The following CNN1 variants were observed in gnomAD, a reference collection of about 807,000 sequenced individuals.
CNN1 encodes calponin 1.
In CNN1, 21 loss-of-function variants were observed where a neutral mutation model predicts 35.3. The observed-to-expected ratio is 0.60, with a 90% CI of 0.42 to 0.86. The LOEUF is 0.86. Ranked by LOEUF, CNN1 falls within the 40% of genes least tolerant of loss-of-function variation. The pLI is 0.00. For missense variants in CNN1, 314 were observed against 400.8 expected (o/e 0.78, Z 1.85); for synonymous variants, 164 against 161.8 (o/e 1.01, Z -0.10).
chr19:11,547,905 C>G lies in CNN1; in HGVS notation c.499C>G (p.Gln167Glu). 1.9e-6 allele frequency: 3 copies of G among 1,612,652 alleles called. No individual in the cohort carries two copies. Among genetic ancestry groups the G allele is most frequent in the Non-Finnish European group, 2.5e-6 (3 of 1,179,190 alleles). The change falls in exon 5 of 7, where the codon CAG becomes GAG. Residue 167 changes from glutamine (Q) to glutamate (E), a missense_variant and splice_region_variant. Gln to Glu is a conservative substitution (Grantham distance 29, BLOSUM62 2). Transcript: ENST00000252456. ...AGAAGGGCGGAACATCATTGGGCTGCAGGTACCGCCCTGTCCTCACTGCGC... is the reference window on the plus strand; with the variant it reads ...AGAAGGGCGGAACATCATTGGGCTGGAGGTACCGCCCTGTCCTCACTGCGC... ...LREGRNIIGL[Q>E]MGTNKFASQQ...
chr19:11,543,914 GAA>G (rs536474016), intron 2 of CNN1, among the ~76,000 whole-genome samples: 2 of 142,034 alleles, frequency 1.4e-5, no homozygotes, highest in Admixed American at 7.1e-5. Context: ...TAAAGTATAA[GAA>G]AAAAAAAAAG....
At chr19:11,547,415 C>CA (rs1164343911) in intron 4 of CNN1, among the ~76,000 whole-genome samples, 2 of 146,536 alleles carry the variant, frequency 1.4e-5, no homozygotes, top group East Asian at 4.1e-4. Context: ...AAACAAAAAA[C>CA]AAAAAACAGT....
chr19:11,540,800 G>T (rs1029015063), intron 1 of CNN1: 15 of 332,036 alleles, frequency 4.5e-5, no homozygotes, highest in Non-Finnish European at 8.3e-5. Flanking sequence ...TAGCTCAGAG[G>T]ATCCAGCTCC....
rs780499790 is a variant in CNN1 at position 11,547,826 on chromosome 19, G to A, written c.420G>A (p.Val140=). Residue 140 remains valine (V), a synonymous_variant, in exon 5 of 7, where the codon GTG becomes GTA. Coordinates refer to ENST00000252456, the MANE Select transcript of CNN1 (RefSeq NM_001299.6). ...MAKTKGNKVN[V]GVKYAEKQER... Reference sequence around the variant, plus strand: ...AGACGAAAGGAAACAAGGTGAACGTGGGAGTGAAGTACGCAGAGAAGCAGG... The same window carrying A: ...AGACGAAAGGAAACAAGGTGAACGTAGGAGTGAAGTACGCAGAGAAGCAGG... 1.1e-5 allele frequency: 17 copies of A among 1,613,916 alleles called. No individual in the cohort carries two copies. In the South Asian group the frequency reaches 1.8e-4, roughly 17 times the overall value.
chr19:11,549,193 A>AAAAAAAAAAT lies in CNN1; in HGVS notation c.502-127_502-126insAAAAAATAAA. The AAAAAAAAAAT allele has an allele frequency of 9.4e-7, 1 of 1,065,962 alleles. No individual in the cohort carries two copies. The highest frequency in any genetic ancestry group is 1.7e-5 in the African/African-American group (1 of 60,544). The allele number at this position is 1,065,962 out of a possible 1,614,324, so 66.0% of individuals were successfully genotyped here. A position where few individuals can be genotyped will look rare whatever the true frequency, so the allele number is the denominator to read the frequency against. Reference sequence around the variant, plus strand: ...ACAGAGCAAGACTCCGTCTCAAAAAAAAATAAATAAAATAAAATAAAAATT... The same window carrying AAAAAAAAAAT: ...ACAGAGCAAGACTCCGTCTCAAAAAAAAAAAAAAATAAATAAATAAAATAAAATAAAAATT... On this transcript the variant is annotated intron_variant, in intron 5 of 6. Coordinates refer to ENST00000252456, the MANE Select transcript of CNN1 (RefSeq NM_001299.6). This position sits in a 1 kb window ranked among gnomAD's most constrained non-coding sequence, Gnocchi z 5.2.
chr19:11,547,628 G>C (rs1972619071), intron 4 of CNN1, among the ~76,000 whole-genome samples, 169 bp from the exon 5 acceptor site: 1 of 152,142 alleles, frequency 6.6e-6, no homozygotes, highest in East Asian at 1.9e-4. Context: ...CAGGAGAATG[G>C]TGTGAAGCCG....
Position 11,550,226 on chromosome 19 carries a change from G to A in CNN1, c.*431G>A, listed in dbSNP as rs576896675. On this transcript the variant is annotated 3_prime_UTR_variant, in exon 7 of 7. Coordinates refer to ENST00000252456, the MANE Select transcript of CNN1 (RefSeq NM_001299.6). ...GGACACACGCGGTTTGGTTTGCAGC[G>A]ACTGGCATACTATGTGGATGTGACA... The A allele has an allele frequency of 1.5e-4, 26 of 176,664 alleles. No homozygotes were observed. The East Asian group carries it at 1.9e-3, about 13-fold the overall frequency. 10.9% of individuals were successfully genotyped at this position (176,664 alleles called of 1,614,324 possible). A position where few individuals can be genotyped will look rare whatever the true frequency, so the allele number is the denominator to read the frequency against.
chr19:11,547,172 G>A (rs746364585), intron 4 of CNN1, among the ~76,000 whole-genome samples: 1 of 151,980 alleles, frequency 6.6e-6, no homozygotes, highest in Non-Finnish European at 1.5e-5. Context: ...CAAGGTGAGC[G>A]GATTGCTTGA....
intron 2 of CNN1, 40 bp from the exon 3 acceptor site, chr19:11,546,635 T>TG (rs1568416098): frequency 1.2e-6 from 2 of 1,611,132 alleles, no homozygotes; most frequent in South Asian, 1.1e-5. Context: ...TGCCCAACCC[T>TG]GGGGGGACAC....
intron 1 of CNN1, among the ~76,000 whole-genome samples, chr19:11,540,873 C>G (rs1972446232): frequency 6.6e-6 from 1 of 152,226 alleles, no homozygotes; most frequent in Admixed American, 6.5e-5. Context: ...GAATGGCCCC[C>G]TGGGCAGGTG....
intron 2 of CNN1, among the ~76,000 whole-genome samples, chr19:11,542,561 C>G (rs1362768062): frequency 6.6e-6 from 1 of 151,750 alleles, no homozygotes; most frequent in Non-Finnish European, 1.5e-5. Context: ...AGCTCCCAAG[C>G]CCCAGTTCCA....
At chr19:11,546,789 A>G (rs1161197744) in intron 3 of CNN1, 43 bp from the exon 4 acceptor site, 1 of 1,612,734 alleles carries the variant, frequency 6.2e-7, no homozygotes, top group African/African-American at 1.3e-5. Flanking sequence ...AGCCCCTCAG[A>G]CCTCCCCTCC....
At chr19:11,541,738 A>G (rs1029986021) in intron 2 of CNN1, among the ~76,000 whole-genome samples, 2 of 151,210 alleles carry the variant, frequency 1.3e-5, no homozygotes, top group African/African-American at 4.9e-5. Flanking sequence ...ACAGGCACGC[A>G]CCACCATGCC....
intron 2 of CNN1, among the ~76,000 whole-genome samples, chr19:11,543,322 C>G (rs1478567334): frequency 6.6e-6 from 1 of 150,608 alleles, no homozygotes; most frequent in Non-Finnish European, 1.5e-5. Context: ...TGCACTCCAG[C>G]CTGGGCAACA....
In CNN1 at chr19:11,546,667, C is replaced by T. The variant is rs1972591976; in HGVS notation, c.186-8C>T. 1 of 1,614,124 alleles carries T rather than the reference C, an allele frequency of 6.2e-7. No homozygotes were observed. Among genetic ancestry groups the T allele is most frequent in the Non-Finnish European group, 8.5e-7 (1 of 1,180,016 alleles). ...ACACCTTTCTTACCCCTTCCCCACT[C>T]TTCTCAGATTCATCAATAAGCTGCA... On this transcript the variant is annotated splice_polypyrimidine_tract_variant and splice_region_variant and intron_variant, in intron 2 of 6. Coordinates refer to ENST00000252456, the MANE Select transcript of CNN1 (RefSeq NM_001299.6).
At position 11,539,002 on chromosome 19, in the gene CNN1, G is replaced by A. The variant is rs1183708418; in HGVS notation, c.63+12G>A. 1 of 1,579,916 alleles carries A rather than the reference G, an allele frequency of 6.3e-7. No homozygotes were observed. The highest frequency in any genetic ancestry group is 8.6e-7 in the Non-Finnish European group (1 of 1,161,116). On this transcript the variant is annotated intron_variant, in intron 1 of 6. Coordinates refer to ENST00000252456, the MANE Select transcript of CNN1 (RefSeq NM_001299.6). ...AGGTTAAGAACAAGGTAGGGCTGGA[G>A]GGCCTCCCTGGCCTGGCCCACACGT... is the stretch of plus-strand genomic sequence containing the variant.
chr19:11,544,810 G>A lies in CNN1; in HGVS notation c.186-1865G>A, dbSNP rs1235850721. On this transcript the variant is annotated intron_variant, in intron 2 of 6. Coordinates refer to ENST00000252456, the MANE Select transcript of CNN1 (RefSeq NM_001299.6). Reference sequence around the variant, plus strand: ...GAGCCACTGTGCCCAGTTCTACAGAGGGCATTTTAGGCAGAGGACTTAGGA... The same window carrying A: ...GAGCCACTGTGCCCAGTTCTACAGAAGGCATTTTAGGCAGAGGACTTAGGA... Among the ~76,000 whole-genome samples the A allele has an allele frequency of 2.0e-5, 3 of 151,822 alleles. No individual in the cohort carries two copies. In the East Asian group the frequency reaches 5.8e-4, roughly 29 times the overall value.
At chr19:11,547,759 G>A (rs1334115257) in intron 4 of CNN1, 38 bp from the exon 5 acceptor site, 1 of 1,544,934 alleles carries the variant, frequency 6.5e-7, no homozygotes. Flanking sequence ...CAGCCTGGAG[G>A]CCCCCTTGTC....
At chr19:11,548,000 C>T (rs1440768376) in intron 5 of CNN1, 93 bp downstream of exon 5, 3 of 941,710 alleles carry the variant, frequency 3.2e-6, no homozygotes, top group Non-Finnish European at 4.8e-6. Context: ...TTGGCATTAA[C>T]TATACTATAG....
Sources: allele counts gnomAD v4.1 joint callset (sites outside exome capture counted in the v4.1 genomes callset), GRCh38; gene constraint gnomAD v4.1.1; non-coding constraint Gnocchi (gnomAD v3.1); transcripts MANE v1.5; gene names NCBI Gene and HGNC (gene_info 2026-07-23, HGNC 2026-07-21).